CCDC82: variants seen among roughly 807,000 people sequenced by gnomAD.
The protein encoded by CCDC82 is coiled-coil domain-containing protein 82.
In CCDC82, 47 loss-of-function variants were observed where a neutral mutation model predicts 60.6. The observed-to-expected ratio is 0.77, with a 90% CI of 0.61 to 0.99. The LOEUF is 0.99. Ranked by LOEUF, CCDC82 falls within the 50% of genes least tolerant of loss-of-function variation. CCDC82 has a pLI of 0.00. For synonymous variants in CCDC82, 212 were observed against 207.4 expected (o/e 1.02, Z -0.19); for missense variants, 588 against 633.0 (o/e 0.93, Z 0.76).
At chr11:96,365,877 G>A (rs1375613688) in intron 7 of CCDC82, among the ~76,000 whole-genome samples, 3 of 151,418 alleles carry the variant, frequency 2.0e-5, no homozygotes, top group Non-Finnish European at 4.4e-5. Context: ...TATTTGAACT[G>A]CACACAGTGA....
At chr11:96,355,489 A>C (rs779922886) in intron 9 of CCDC82, 5 of 152,224 alleles carry the variant, frequency 3.3e-5, no homozygotes, top group African/African-American at 4.8e-5. Context: ...AACGTATTAC[A>C]TATCTAATCT....
At chr11:96,388,360 G>A (rs1866322730) in intron 1 of CCDC82, 1 of 152,034 alleles carries the variant, frequency 6.6e-6, no homozygotes, top group Admixed American at 6.6e-5. Context: ...GAATTTTATC[G>A]AGCTTCTGTA....
At chr11:96,361,022 T>C (rs1010908995) in intron 8 of CCDC82, among the ~76,000 whole-genome samples, 1 of 152,234 alleles carries the variant, frequency 6.6e-6, no homozygotes, top group Non-Finnish European at 1.5e-5. Flanking sequence ...AAATTAACTT[T>C]TCCAATTCAA....
rs923056422 is a variant in CCDC82, at chr11:96,389,903, G to A, written c.-198C>T. 2.6e-5 allele frequency: 4 copies of A among 152,804 alleles called. No homozygotes were observed. Among genetic ancestry groups the A allele is most frequent in the African/African-American group, 9.7e-5 (4 of 41,316 alleles). 9.5% of individuals were successfully genotyped at this position (152,804 alleles called of 1,614,324 possible). ...GCCCCTGCCCCGGCAACCAGCTCAG[G>A]ACAAGCGATGCTCCTCCCCCCCTTC... On this transcript the variant is annotated 5_prime_UTR_variant, in exon 1 of 10. Transcript: ENST00000646818.
At chr11:96,360,340 C>T (rs978107128) in intron 8 of CCDC82, among the ~76,000 whole-genome samples, 1 of 151,048 alleles carries the variant, frequency 6.6e-6, no homozygotes, top group African/African-American at 2.4e-5. Flanking sequence ...TTACAGGTGC[C>T]TGTCACCACA....
At position 96,371,022 on chromosome 11, in the gene CCDC82, C is replaced by T. The variant is rs2136133482; in HGVS notation, c.1200G>A (p.Glu400=). Residue 400 remains glutamate, a synonymous_variant, in exon 7 of 10, where the codon GAG becomes GAA. Coordinates refer to ENST00000646818, the MANE Select transcript of CCDC82 (RefSeq NM_024725.4). ...ESLVSRSRWK[E]QYKERVENYS... is the part of the protein sequence containing the mutation. ...AAAACAAACTGTGTACCTTATATTG[C>T]TCTTTCCAACGACTTCTAGATACCA... 1.3e-6 allele frequency: 2 copies of T among 1,591,440 alleles called. No individual in the cohort carries two copies. Among genetic ancestry groups the T allele is most frequent in the South Asian group, 1.2e-5 (1 of 85,418 alleles).
intron 2 of CCDC82, 150 bp downstream of exon 2, chr11:96,387,380 T>A (rs1012777368): frequency 6.6e-6 from 1 of 152,218 alleles, no homozygotes; most frequent in East Asian, 1.9e-4. Context: ...ATTAAAAACT[T>A]ATGACTGCAC....
At position 96,359,324 on chromosome 11, in the gene CCDC82, T is replaced by TA. The variant is rs757250274; in HGVS notation, c.1381-147dup. On this transcript the variant is annotated intron_variant, in intron 8 of 9. Coordinates refer to ENST00000646818, the MANE Select transcript of CCDC82 (RefSeq NM_024725.4). ...CTTTACCTTCTCTTACTTATACAAC[T>TA]AGTCAAACACTGAGCACCTGTGAGG... The TA allele has an allele frequency of 5.1e-4, 324 of 633,222 alleles. 1 individual carries two copies. Among genetic ancestry groups the TA allele is most frequent in the Non-Finnish European group, 1.2e-4 (46 of 393,014 alleles). The allele number at this position is 633,222 out of a possible 1,614,324, so 39.2% of individuals were successfully genotyped here.
Position 96,383,482 on chromosome 11 carries a change from A to C in CCDC82, c.787-9T>G, listed in dbSNP as rs1865992021. On this transcript the variant is annotated splice_polypyrimidine_tract_variant and intron_variant, in intron 4 of 9. Coordinates refer to ENST00000646818, the MANE Select transcript of CCDC82 (RefSeq NM_024725.4). ...GATTCCTTTTCAGAGTCCTAATTAA[A>C]TTAAAATAAATGCTTCAGTAAATGG... The C allele has an allele frequency of 1.9e-6, 3 of 1,544,094 alleles. No homozygotes were observed. The highest frequency in any genetic ancestry group is 2.6e-6 in the Non-Finnish European group (3 of 1,134,808).
chr11:96,389,130 G>C (rs1866384604), intron 1 of CCDC82: 1 of 152,146 alleles, frequency 6.6e-6, no homozygotes, highest in Non-Finnish European at 1.5e-5. Context: ...GACAGAAATA[G>C]GATATAAGAA....
chr11:96,377,896 C>T (rs1242174578), intron 5 of CCDC82, among the ~76,000 whole-genome samples: 2 of 152,018 alleles, frequency 1.3e-5, no homozygotes, highest in East Asian at 1.9e-4. Context: ...AGAATACTTT[C>T]TTCTATAATA....
chr11:96,377,855 T>A (rs185083203), intron 5 of CCDC82, among the ~76,000 whole-genome samples: 298 of 152,228 alleles, frequency 2.0e-3, no homozygotes, highest in Admixed American at 6.4e-3. Context: ...TTAATCTGCA[T>A]AAATGTGTTA....
chr11:96,378,792 C>T (rs185398348), intron 5 of CCDC82, among the ~76,000 whole-genome samples: 1 of 152,046 alleles, frequency 6.6e-6, no homozygotes, highest in Non-Finnish European at 1.5e-5. Flanking sequence ...TTTTGTCCCT[C>T]TACTCCCTAC....
intron 8 of CCDC82, chr11:96,364,240 C>T (rs7949458): frequency 6.6e-6 from 1 of 151,964 alleles, no homozygotes; most frequent in Non-Finnish European, 1.5e-5. Context: ...ATTAAATATA[C>T]ATATATATTC....
intron 9 of CCDC82, chr11:96,356,601 A>G (rs965381757): frequency 1.0e-6 from 1 of 980,598 alleles, no homozygotes; most frequent in Non-Finnish European, 1.2e-6. Flanking sequence ...GTGTCATATT[A>G]GAGTATGTTA....
chr11:96,355,028 C>A (rs1056920317), intron 9 of CCDC82: 4 of 152,082 alleles, frequency 2.6e-5, no homozygotes, highest in African/African-American at 7.2e-5. Flanking sequence ...GATGGAAACA[C>A]ATAACAGAAG....
intron 1 of CCDC82, chr11:96,389,004 C>A (rs1027292956): frequency 1.3e-5 from 2 of 152,158 alleles, no homozygotes; most frequent in East Asian, 3.9e-4. Flanking sequence ...CAAAAACAAG[C>A]CAGCATAATA....
chr11:96,368,809 TGAGCCGA>T (rs1240404116), intron 7 of CCDC82, among the ~76,000 whole-genome samples: 1 of 149,692 alleles, frequency 6.7e-6, no homozygotes, highest in Non-Finnish European at 1.5e-5. Context: ...GAGCTTGCAG[TGAGCCGA>T]GATTGCGCCA....
chr11:96,368,169 G>A (rs551044611), intron 7 of CCDC82, among the ~76,000 whole-genome samples: 257 of 152,142 alleles, frequency 1.7e-3, no homozygotes, highest in Middle Eastern at 6.8e-3. Flanking sequence ...ATTACTCCTT[G>A]ATCCATAGGC....
Sources: allele counts gnomAD v4.1 joint callset (sites outside exome capture counted in the v4.1 genomes callset), GRCh38; gene constraint gnomAD v4.1.1; transcripts MANE v1.5; gene names NCBI Gene and HGNC (gene_info 2026-07-23, HGNC 2026-07-21).